The following NAALADL2 variants were observed in gnomAD, a reference collection of about 807,000 sequenced individuals.
NAALADL2 encodes the protein N-acetylated alpha-linked acidic dipeptidase like 2, also known as inactive N-acetylated-alpha-linked acidic dipeptidase-like protein 2.
NAALADL2 carries 76 observed loss-of-function variants against 87.2 expected under a neutral mutation model. The ratio of observed to expected loss-of-function variants is 0.87; its 90% CI spans 0.72 to 1.05. The LOEUF (loss-of-function observed/expected upper bound fraction) is 1.05, where lower values mean the gene tolerates loss of function less well. NAALADL2 is among the 50% of genes least tolerant of loss of function. NAALADL2 has a pLI of 0.00. For synonymous variants in NAALADL2, 354 were observed against 331.0 expected, an observed-to-expected ratio of 1.07 and a Z score of -0.75; for missense variants, 1,089 against 945.8, an observed-to-expected ratio of 1.15 and a Z score of -1.99.
At chr3:174,899,238 GAGA>G (rs1732006607) in intron 1 of NAALADL2, among the ~76,000 whole-genome samples, 3 of 151,984 alleles carry the variant, frequency 2.0e-5, no homozygotes, top group Admixed American at 1.3e-4. Context: ...ATTTTTATTA[GAGA>G]AGAAAGACAT....
chr3:175,337,160 T>A (rs184213282), intron 5 of NAALADL2, among the ~76,000 whole-genome samples: 2 of 152,130 alleles, frequency 1.3e-5, no homozygotes, highest in East Asian at 3.9e-4. Flanking sequence ...TTACATATTG[T>A]CTTATGTAAT....
At chr3:174,642,768 ATATATATATATATATATATATG>A (rs1407273406) in intron 2 of NAALADL2, among the ~76,000 whole-genome samples, 12 of 35,110 alleles carry the variant, frequency 3.4e-4, no homozygotes, top group African/African-American at 2.3e-3. Context: ...ATATATATAT[ATATATATATATATATATATATG>A]TTTTTTTTCA....
chr3:175,332,839 A>G (rs1021371518), intron 5 of NAALADL2, among the ~76,000 whole-genome samples: 6 of 152,122 alleles, frequency 3.9e-5, no homozygotes, highest in Admixed American at 2.6e-4. Flanking sequence ...GTCCCCAACT[A>G]TTATTGTACT....
rs141771443 is a variant in NAALADL2 at position 175,441,887 on chromosome 3, T to C, written c.1091-5342T>C. Among the ~76,000 whole-genome samples, 313 of 152,294 alleles carry C rather than the reference T, an allele frequency of 2.1e-3. 1 individual carries two copies. The highest frequency in any genetic ancestry group is 0.015 in the South Asian group (70 of 4,820). On this transcript the variant is annotated intron_variant, in intron 5 of 13. Coordinates refer to ENST00000454872, the MANE Select transcript of NAALADL2 (RefSeq NM_207015.3). Reference sequence around the variant, plus strand: ...GAGATTTCTCATCTCTGAAGGTTTATCTTCCCTGATGCTGTTTGGCTAATT... The same window carrying C: ...GAGATTTCTCATCTCTGAAGGTTTACCTTCCCTGATGCTGTTTGGCTAATT...
intron 1 of NAALADL2, among the ~76,000 whole-genome samples, chr3:174,450,020 T>C (rs1265881285): frequency 2.7e-5 from 4 of 148,780 alleles, no homozygotes; most frequent in East Asian, 2.0e-4. Context: ...AACACATACA[T>C]ACACACACAC....
At chr3:174,699,597 C>A (rs1729363278) in intron 2 of NAALADL2, among the ~76,000 whole-genome samples, 1 of 151,706 alleles carries the variant, frequency 6.6e-6, no homozygotes, top group African/African-American at 2.4e-5. Flanking sequence ...TTCAATTCTT[C>A]CTGTTAATTT....
At chr3:174,708,561 C>A (rs570737019) in intron 2 of NAALADL2, among the ~76,000 whole-genome samples, 1 of 152,204 alleles carries the variant, frequency 6.6e-6, no homozygotes, top group Admixed American at 6.5e-5. Context: ...TATAAAATTA[C>A]ATTTTGTAAA....
At chr3:174,968,768 C>T (rs775804648) in intron 1 of NAALADL2, among the ~76,000 whole-genome samples, 6 of 152,144 alleles carry the variant, frequency 3.9e-5, no homozygotes, top group Non-Finnish European at 8.8e-5. Context: ...TGAGCCACTG[C>T]GCCCAGCCCT....
intron 2 of NAALADL2, among the ~76,000 whole-genome samples, chr3:175,100,659 G>C (rs532337109): frequency 9.2e-5 from 14 of 152,068 alleles, no homozygotes; most frequent in African/African-American, 3.1e-4. Context: ...CCAACATGGC[G>C]AAACTCCGTC....
intron 2 of NAALADL2, among the ~76,000 whole-genome samples, chr3:174,727,343 C>T (rs1732298433): frequency 6.6e-6 from 1 of 151,434 alleles, no homozygotes; most frequent in African/African-American, 2.4e-5. Flanking sequence ...TTTAGGATTT[C>T]CTTTCCCAAA....
At chr3:175,432,534 C>T (rs143531054) in intron 5 of NAALADL2, among the ~76,000 whole-genome samples, 67 of 152,100 alleles carry the variant, frequency 4.4e-4, no homozygotes, top group Middle Eastern at 3.4e-3. Context: ...TAGTCATCTC[C>T]GGTTAACCTT....
chr3:175,751,145 A>G (rs1746575131), intron 12 of NAALADL2, among the ~76,000 whole-genome samples: 1 of 152,158 alleles, frequency 6.6e-6, no homozygotes, highest in Non-Finnish European at 1.5e-5. Context: ...ATTAATGGTT[A>G]GCGTTTCACC....
At chr3:174,846,525 A>C (rs922336473) in intron 3 of NAALADL2, among the ~76,000 whole-genome samples, 20 of 152,180 alleles carry the variant, frequency 1.3e-4, no homozygotes, top group Non-Finnish European at 1.0e-4. Flanking sequence ...AGAGAATTAA[A>C]AGTTTAGTTA....
intron 1 of NAALADL2, among the ~76,000 whole-genome samples, chr3:174,934,319 G>C (rs1437680344): frequency 6.6e-6 from 1 of 152,110 alleles, no homozygotes; most frequent in Non-Finnish European, 1.5e-5. Context: ...GAGCAAAGAA[G>C]TATCCATTTT....
chr3:175,598,724 A>G (rs1722571042), intron 10 of NAALADL2, among the ~76,000 whole-genome samples: 1 of 152,150 alleles, frequency 6.6e-6, no homozygotes, highest in African/African-American at 2.4e-5. Context: ...ATGTTCTCAC[A>G]CTTGGAGCCT....
chr3:174,985,455 C>T (rs1226123451), intron 1 of NAALADL2, among the ~76,000 whole-genome samples: 1 of 152,142 alleles, frequency 6.6e-6, no homozygotes, highest in Non-Finnish European at 1.5e-5. Flanking sequence ...TAGATGTGAA[C>T]TGTGACTGTT....
chr3:174,704,576 T>G (rs1729880476), intron 2 of NAALADL2, among the ~76,000 whole-genome samples: 1 of 151,976 alleles, frequency 6.6e-6, no homozygotes, highest in African/African-American at 2.4e-5. Context: ...TAGAAACATA[T>G]ATACAGGCAG....
intron 4 of NAALADL2, among the ~76,000 whole-genome samples, chr3:175,316,515 G>C (rs535532495): frequency 6.6e-5 from 10 of 152,082 alleles, no homozygotes; most frequent in Non-Finnish European, 1.5e-5. Flanking sequence ...AAATCTTGGC[G>C]TAAGACTTGA....
chr3:175,428,253 G>A (rs2149149932), intron 5 of NAALADL2, among the ~76,000 whole-genome samples: 1 of 152,150 alleles, frequency 6.6e-6, no homozygotes, highest in East Asian at 1.9e-4. Context: ...ACCTTTAACA[G>A]ATAGCTAGAA....
Sources: allele counts gnomAD v4.1 joint callset (sites outside exome capture counted in the v4.1 genomes callset), GRCh38; gene constraint gnomAD v4.1.1; transcripts MANE v1.5; gene names NCBI Gene and HGNC (gene_info 2026-07-23, HGNC 2026-07-21).